Variants in SNX25 observed in about 807,000 individuals in gnomAD.
SNX25 encodes the protein sorting nexin-25.
Under a neutral mutation model 113.7 loss-of-function variants are expected in SNX25, and 62 were observed. The ratio of observed to expected loss-of-function variants is 0.55; its 90% CI spans 0.44 to 0.67. The LOEUF is 0.67. Among genes scored for constraint, SNX25 ranks in the 30% least tolerant of loss-of-function variants. The pLI is 0.00. For synonymous variants in SNX25, 421 were observed against 436.2 expected, an observed-to-expected ratio of 0.97 and a Z score of 0.43; for missense variants, 1,014 against 1,161.0, an observed-to-expected ratio of 0.87 and a Z score of 1.84.
chr4:185,306,756 C>T (rs1452117047), intron 6 of SNX25, among the ~76,000 whole-genome samples: 1 of 152,156 alleles, frequency 6.6e-6, no homozygotes, highest in African/African-American at 2.4e-5. Context: ...TAAAAGTTTT[C>T]TTGAAAAATT....
At position 185,260,259 on chromosome 4, in the gene SNX25, T is replaced by C. The variant is rs577248973; in HGVS notation, c.731+1195T>C. ...GTAAAACAATGGTTTGAAAACATTA[T>C]GGTAAAGCAGTGGTTCTCCGACTTT... On this transcript the variant is annotated intron_variant, in intron 3 of 18. Coordinates refer to ENST00000652585, the MANE Select transcript of SNX25 (RefSeq NM_001378034.2). Among the ~76,000 whole-genome samples, 8 of 152,086 alleles carry C rather than the reference T, an allele frequency of 5.3e-5. No homozygotes were observed. The South Asian group carries it at 1.2e-3, about 24-fold the overall frequency.
chr4:185,224,112 G>C (rs1363300709), intron 1 of SNX25, among the ~76,000 whole-genome samples: 1 of 152,114 alleles, frequency 6.6e-6, no homozygotes, highest in Non-Finnish European at 1.5e-5. Flanking sequence ...CAGCACTTTG[G>C]GAGGCTAGGC....
At chr4:185,234,834 A>G (rs775175448) in intron 1 of SNX25, among the ~76,000 whole-genome samples, 1 of 152,260 alleles carries the variant, frequency 6.6e-6, no homozygotes, top group Non-Finnish European at 1.5e-5. Flanking sequence ...AATAGTGCAG[A>G]CATTATTATT....
intron 4 of SNX25, among the ~76,000 whole-genome samples, chr4:185,265,479 A>G (rs1368326732): frequency 6.6e-6 from 1 of 152,218 alleles, no homozygotes; most frequent in South Asian, 2.1e-4. Context: ...CAGTACACCT[A>G]TATAGGACAC....
At chr4:185,351,702 TCA>T (rs2095315676) in intron 14 of SNX25, 93 bp downstream of exon 14, 1 of 1,341,538 alleles carries the variant, frequency 7.5e-7, no homozygotes, top group Non-Finnish European at 1.0e-6. Context: ...CCCTCTATTT[TCA>T]GTCATTAGCA....
At chr4:185,296,351 A>G (rs1256885810) in intron 6 of SNX25, among the ~76,000 whole-genome samples, 1 of 152,166 alleles carries the variant, frequency 6.6e-6, no homozygotes, top group African/African-American at 2.4e-5. Flanking sequence ...TATATTTAGG[A>G]CAGTTCAAAA....
intron 1 of SNX25, among the ~76,000 whole-genome samples, chr4:185,237,781 G>A (rs1013699610): frequency 6.6e-6 from 1 of 151,788 alleles, no homozygotes; most frequent in Non-Finnish European, 1.5e-5. Context: ...AAATCAGGCC[G>A]GGTATGGTTG....
At chr4:185,209,375 T>C (rs1021170065), upstream of SNX25, 8 of 152,398 alleles carry the variant, frequency 5.2e-5, no homozygotes, top group Non-Finnish European at 1.2e-4. The surrounding 1 kb of genome is among the most constrained non-coding windows in gnomAD (Gnocchi z 5.2). Context: ...AAATTTTCCA[T>C]GAACAGACGG....
intron 1 of SNX25, among the ~76,000 whole-genome samples, chr4:185,224,697 GT>G (rs1740703692): frequency 6.7e-6 from 1 of 149,418 alleles, no homozygotes; most frequent in South Asian, 2.1e-4. Context: ...GAATTCATGG[GT>G]TTGAACATAT....
At chr4:185,218,065 C>G (rs766101111) in intron 1 of SNX25, among the ~76,000 whole-genome samples, 3 of 152,150 alleles carry the variant, frequency 2.0e-5, no homozygotes, top group Admixed American at 6.5e-5. Flanking sequence ...AAGTCACACC[C>G]TGCTTTAGTC....
At chr4:185,229,904 C>G (rs1741576914) in intron 1 of SNX25, among the ~76,000 whole-genome samples, 1 of 152,202 alleles carries the variant, frequency 6.6e-6, no homozygotes, top group South Asian at 2.1e-4. Flanking sequence ...TCATGGCTCT[C>G]TGCAGCCTCG....
At chr4:185,264,901 T>C (rs1351833733) in intron 4 of SNX25, among the ~76,000 whole-genome samples, 1 of 152,176 alleles carries the variant, frequency 6.6e-6, no homozygotes, top group Non-Finnish European at 1.5e-5. Flanking sequence ...CAATAATATA[T>C]ACATTAATGA....
In SNX25 at chr4:185,217,255, GA is replaced by G. The variant is rs397963554; in HGVS notation, c.429+7010del. Among the ~76,000 whole-genome samples the G allele has an allele frequency of 6.7e-5, 10 of 149,778 alleles. No individual in the cohort carries two copies. In the East Asian group the frequency reaches 1.4e-3, roughly 20 times the overall value. On this transcript the variant is annotated intron_variant, in intron 1 of 18. Coordinates refer to ENST00000652585, the MANE Select transcript of SNX25 (RefSeq NM_001378034.2). ...GTGATAGAGTGAGACTGTGTCTTGG[GA>G]AAAAAAAAAGAGAAATACTGTGTAG...
intron 2 of SNX25, among the ~76,000 whole-genome samples, chr4:185,249,427 TTTTA>T (rs1745332699): frequency 6.6e-6 from 1 of 152,162 alleles, no homozygotes; most frequent in African/African-American, 2.4e-5. Context: ...ATTTTCAGAT[TTTTA>T]TTTGTGATGT....
intron 13 of SNX25, among the ~76,000 whole-genome samples, chr4:185,349,880 T>C (rs1467915780): frequency 2.0e-5 from 3 of 152,232 alleles, no homozygotes; most frequent in Non-Finnish European, 4.4e-5. Context: ...TATCCTGCTA[T>C]TTTGTAAAAT....
In SNX25 at chr4:185,357,878, G is replaced by A. The variant is rs1037877459; in HGVS notation, c.2651+141G>A. On this transcript the variant is annotated intron_variant, in intron 16 of 18. Transcript: ENST00000652585. ...CTTTTCGTTTCTGATATGATTCTAA[G>A]ATTGGATAGGAGAGTCGATTTCTAA... 1.4e-5 allele frequency: 10 copies of A among 703,834 alleles called. No individual in the cohort carries two copies. In the African/African-American group the frequency reaches 1.8e-4, roughly 13 times the overall value. 43.6% of individuals were successfully genotyped at this position (703,834 alleles called of 1,614,324 possible). A position where few individuals can be genotyped will look rare whatever the true frequency, so the allele number is the denominator to read the frequency against.
At chr4:185,234,344 A>G (rs1579394302) in intron 1 of SNX25, among the ~76,000 whole-genome samples, 1 of 152,352 alleles carries the variant, frequency 6.6e-6, no homozygotes, top group East Asian at 1.9e-4. Flanking sequence ...AATCCCATGT[A>G]ATATAACTAT....
intron 6 of SNX25, among the ~76,000 whole-genome samples, chr4:185,297,080 T>A (rs983624577): frequency 7.2e-5 from 9 of 124,222 alleles, no homozygotes; most frequent in African/African-American, 2.5e-4. Context: ...TTTTCTTTAC[T>A]CTATTCAGCT....
intron 14 of SNX25, among the ~76,000 whole-genome samples, chr4:185,352,236 C>T (rs577203353): frequency 3.6e-4 from 55 of 152,334 alleles, no homozygotes; most frequent in African/African-American, 1.3e-3. Context: ...GTTCACACCA[C>T]GGAGGCGCCT....
Sources: allele counts gnomAD v4.1 joint callset (sites outside exome capture counted in the v4.1 genomes callset), GRCh38; gene constraint gnomAD v4.1.1; non-coding constraint Gnocchi (gnomAD v3.1); transcripts MANE v1.5; gene names NCBI Gene and HGNC (gene_info 2026-07-23, HGNC 2026-07-21).